The following GRM5 variants were observed in gnomAD, a reference collection of about 807,000 sequenced individuals.
GRM5 encodes the protein metabotropic glutamate receptor 5.
GRM5 carries 19 observed loss-of-function variants against 83.1 expected under a neutral mutation model. The ratio of observed to expected loss-of-function variants is 0.23; its 90% CI spans 0.16 to 0.34. The LOEUF (loss-of-function observed/expected upper bound fraction) is 0.34. GRM5 is among the 10% of genes least tolerant of loss of function. The pLI is 1.00. For missense variants in GRM5, 1,160 were observed against 1,588.3 expected (o/e 0.73, Z 4.58); for synonymous variants, 675 against 633.6 (o/e 1.07, Z -0.98).
rs1944163717 is a variant in GRM5 at position 88,839,818 on chromosome 11, C to A, written c.911+10088G>T. Among the ~76,000 whole-genome samples the A allele has an allele frequency of 1.3e-5, 2 of 152,286 alleles. 1 individual carries two copies. The highest frequency in any genetic ancestry group is 4.1e-4 in the South Asian group (2 of 4,828). On this transcript the variant is annotated intron_variant, in intron 3 of 9. Coordinates refer to ENST00000305447, the MANE Select transcript of GRM5 (RefSeq NM_001143831.3). ...TGTTGACCCAAATCCTTACAAATAA[C>A]ATAATCAGTTGATTAACACATATTT... is the stretch of plus-strand genomic sequence containing the variant.
At chr11:88,955,143 C>G (rs1938569940) in intron 2 of GRM5, among the ~76,000 whole-genome samples, 1 of 152,110 alleles carries the variant, frequency 6.6e-6, no homozygotes, top group East Asian at 1.9e-4. Flanking sequence ...TATACACACA[C>G]AATCAAAAGC....
rs370607230 is a variant in GRM5, at chr11:89,019,130, T to C, written c.661+28082A>G. Reference sequence around the variant, plus strand: ...ATTGTTTTAGATCACCTTGACAGTTTTGAGGAGCACGAATCGGGTATTTTG... The same window carrying C: ...ATTGTTTTAGATCACCTTGACAGTTCTGAGGAGCACGAATCGGGTATTTTG... On this transcript the variant is annotated intron_variant, in intron 2 of 9. Coordinates refer to ENST00000305447, the MANE Select transcript of GRM5 (RefSeq NM_001143831.3). 1.2e-4 allele frequency among the ~76,000 whole-genome samples: 19 copies of C among 152,164 alleles called. 1 individual carries two copies. Among genetic ancestry groups the C allele is most frequent in the African/African-American group, 4.6e-4 (19 of 41,436 alleles).
At chr11:88,899,372 A>G (rs566323374) in intron 2 of GRM5, among the ~76,000 whole-genome samples, 13 of 150,946 alleles carry the variant, frequency 8.6e-5, no homozygotes, top group Non-Finnish European at 1.6e-4. Context: ...ATTTTAAAAT[A>G]AAACTTATTT....
intron 8 of GRM5, among the ~76,000 whole-genome samples, chr11:88,560,718 T>G (rs1942735135): frequency 1.3e-5 from 2 of 152,128 alleles, no homozygotes. Flanking sequence ...AATCACTGCA[T>G]GGCAAGCACT....
At chr11:88,849,840 A>C in intron 3 of GRM5, 66 bp downstream of exon 3, 1 of 1,449,050 alleles carries the variant, frequency 6.9e-7, no homozygotes, top group Non-Finnish European at 9.6e-7. Flanking sequence ...ATACACTAAA[A>C]GCTACCCTTC....
At chr11:88,550,658 TG>T (rs138403328) in intron 8 of GRM5, among the ~76,000 whole-genome samples, 5,540 of 151,628 alleles carry the variant, frequency 0.037, 310 homozygotes, top group South Asian at 0.15. Flanking sequence ...GATAAGGGAG[TG>T]GGGGGGATAA....
intron 2 of GRM5, among the ~76,000 whole-genome samples, chr11:89,002,735 T>C (rs746670355): frequency 3.3e-5 from 5 of 152,114 alleles, no homozygotes; most frequent in Non-Finnish European, 5.9e-5. Flanking sequence ...TCAGAGAACC[T>C]CATCCTTCCG....
At chr11:88,997,510 A>T (rs1286993475) in intron 2 of GRM5, among the ~76,000 whole-genome samples, 3 of 151,970 alleles carry the variant, frequency 2.0e-5, no homozygotes, top group East Asian at 3.8e-4. Context: ...TACTTCATTT[A>T]AAAAAATCAG....
intron 2 of GRM5, chr11:88,911,976 A>T (rs188349056): frequency 2.1e-6 from 1 of 465,410 alleles, no homozygotes; most frequent in East Asian, 7.0e-5. Context: ...TTGTCTTAAT[A>T]TACAACCAGT....
chr11:88,958,184 C>T (rs567828230), intron 2 of GRM5, among the ~76,000 whole-genome samples: 34 of 151,592 alleles, frequency 2.2e-4, no homozygotes, highest in African/African-American at 7.2e-4. Flanking sequence ...CAGTTTTCCC[C>T]CTCCCTTCCT....
At chr11:88,910,771 G>A (rs1315420965) in intron 2 of GRM5, among the ~76,000 whole-genome samples, 1 of 152,020 alleles carries the variant, frequency 6.6e-6, no homozygotes, top group Non-Finnish European at 1.5e-5. Flanking sequence ...AATCCAGTAG[G>A]TGAAATGTCT....
At chr11:89,046,479 A>T (rs1164063090) in intron 2 of GRM5, among the ~76,000 whole-genome samples, 2 of 152,146 alleles carry the variant, frequency 1.3e-5, no homozygotes, top group African/African-American at 4.8e-5. Context: ...ATGGTCAAGA[A>T]CTAATGATTT....
intron 4 of GRM5, among the ~76,000 whole-genome samples, chr11:88,650,806 C>G (rs1421127454): frequency 1.3e-5 from 2 of 151,942 alleles, no homozygotes; most frequent in Non-Finnish European, 2.9e-5. Context: ...TGGCTAAACT[C>G]TAGACAAATC....
At chr11:89,012,169 T>C (rs370933006) in intron 2 of GRM5, among the ~76,000 whole-genome samples, 1 of 151,444 alleles carries the variant, frequency 6.6e-6, no homozygotes. Context: ...AAGCAGAAAA[T>C]CGACAATCAG....
chr11:88,856,571 C>A (rs920539952), intron 2 of GRM5, among the ~76,000 whole-genome samples: 3 of 151,850 alleles, frequency 2.0e-5, no homozygotes, highest in African/African-American at 7.3e-5. Flanking sequence ...AAAGTACACT[C>A]TAAAATAATG....
At chr11:88,767,046 T>C (rs1048332803) in intron 3 of GRM5, among the ~76,000 whole-genome samples, 3 of 151,776 alleles carry the variant, frequency 2.0e-5, no homozygotes, top group Non-Finnish European at 4.4e-5. Flanking sequence ...TTTTCTCTTG[T>C]TTGATACAGC....
At chr11:88,528,366 A>T (rs1015903065) in intron 8 of GRM5, among the ~76,000 whole-genome samples, 1 of 152,062 alleles carries the variant, frequency 6.6e-6, no homozygotes, top group Non-Finnish European at 1.5e-5. Flanking sequence ...TATATTCACC[A>T]GATATTTAAA....
At chr11:88,764,939 C>A (rs984022256) in intron 3 of GRM5, among the ~76,000 whole-genome samples, 2 of 150,906 alleles carry the variant, frequency 1.3e-5, no homozygotes, top group East Asian at 1.9e-4. Context: ...AAAAGATCAA[C>A]AAAATTGATA....
At chr11:88,665,835 T>C (rs1485032299) in intron 3 of GRM5, among the ~76,000 whole-genome samples, 1 of 123,398 alleles carries the variant, frequency 8.1e-6, no homozygotes, top group Non-Finnish European at 1.7e-5. Flanking sequence ...CAGCCAGTAC[T>C]GAGGGGGCCA....
Sources: gnomAD v4.1 joint callset for allele counts (sites outside exome capture counted in the v4.1 genomes callset) on GRCh38, gnomAD v4.1.1 for gene constraint, MANE v1.5 for transcripts, NCBI Gene and HGNC (gene_info 2026-07-23, HGNC 2026-07-21) for gene names.